The following CR1L variants were observed in gnomAD, a reference collection of about 807,000 sequenced individuals.
The protein encoded by CR1L is complement C3b/C4b receptor 1 like.
CR1L carries 59 observed loss-of-function variants against 62.3 expected under a neutral mutation model. The observed-to-expected ratio is 0.95, with a 90% CI of 0.77 to 1.18. The LOEUF is 1.18. CR1L is among the 50% of genes most tolerant of loss of function. The pLI, the probability that CR1L is intolerant of heterozygous loss-of-function variation, is 0.00. For synonymous variants in CR1L, 279 were observed against 248.7 expected (o/e 1.12, Z -1.15); for missense variants, 700 against 702.8 (o/e 1.00, Z 0.04).
intron 1 of CR1L, among the ~76,000 whole-genome samples, chr1:207,676,560 C>T (rs1184736970): frequency 2.0e-5 from 3 of 152,186 alleles, no homozygotes; most frequent in Non-Finnish European, 2.9e-5. Flanking sequence ...TCCCTGCACC[C>T]TCCATTCACG....
intron 10 of CR1L, 86 bp from the exon 11 acceptor site, chr1:207,717,378 T>C: frequency 1.4e-6 from 2 of 1,422,364 alleles, no homozygotes; most frequent in Non-Finnish European, 1.9e-6. Flanking sequence ...AAAAATTATA[T>C]TCATAGCACT....
chr1:207,707,347 G>T (rs1464937929), intron 9 of CR1L, among the ~76,000 whole-genome samples: 1 of 152,220 alleles, frequency 6.6e-6, no homozygotes, highest in East Asian at 1.9e-4. Context: ...TTATGACAAG[G>T]CCGAGCACAG....
At chr1:207,689,864 CATTTT>C (rs1407537710) in intron 4 of CR1L, among the ~76,000 whole-genome samples, 2 of 151,858 alleles carry the variant, frequency 1.3e-5, no homozygotes, top group African/African-American at 4.8e-5. Context: ...GGAATTTACT[CATTTT>C]ATTTAAATTT....
chr1:207,720,907 T>C (rs1654121296), intron 11 of CR1L, among the ~76,000 whole-genome samples: 1 of 152,206 alleles, frequency 6.6e-6, no homozygotes, highest in South Asian at 2.1e-4. Context: ...TCCTAGAGCC[T>C]AGCTTCTCTC....
In CR1L at chr1:207,669,815, T is replaced by G. The variant is rs1043887386; in HGVS notation, c.98-7574T>G. 6.9e-4 allele frequency among the ~76,000 whole-genome samples: 104 copies of G among 151,166 alleles called. 1 individual carries two copies. The highest frequency in any genetic ancestry group is 1.4e-3 in the Non-Finnish European group (92 of 68,032). On this transcript the variant is annotated intron_variant, in intron 1 of 11. Transcript: ENST00000508064. ...GGGGCTTAAGTCGTGACGAGCGCAG[T>G]GGAAGGCGCAGATGCTGAGCGGGTG...
At position 207,652,542 on chromosome 1, in the gene CR1L, C is replaced by T. The variant is rs527854491; in HGVS notation, c.97+7212C>T. ...ATCTTCATGTTCCTATTCTCTTATC[C>T]CTAGATGCCTATGAGGAGCCACCAA... On this transcript the variant is annotated intron_variant, in intron 1 of 11. Transcript: ENST00000508064. 4.7e-6 allele frequency: 7 copies of T among 1,475,078 alleles called. No homozygotes were observed. The East Asian group carries it at 6.8e-5, about 14-fold the overall frequency. 91.4% of individuals were successfully genotyped at this position (1,475,078 alleles called of 1,614,324 possible).
At chr1:207,706,196 A>G (rs564416364) in intron 9 of CR1L, among the ~76,000 whole-genome samples, 7 of 151,960 alleles carry the variant, frequency 4.6e-5, no homozygotes, top group South Asian at 2.1e-4. Flanking sequence ...GAAGCAAGAG[A>G]ATCACTTGAC....
chr1:207,689,163 T>G (rs1428249258), intron 4 of CR1L, among the ~76,000 whole-genome samples: 1 of 152,154 alleles, frequency 6.6e-6, no homozygotes, highest in Admixed American at 6.5e-5. Context: ...CCTTTACTTC[T>G]GATTGCTAAA....
intron 1 of CR1L, among the ~76,000 whole-genome samples, chr1:207,668,776 AC>A (rs1663562929): frequency 6.6e-6 from 1 of 150,918 alleles, no homozygotes; most frequent in Non-Finnish European, 1.5e-5. Context: ...CACTTTATCC[AC>A]CCAGTCAGGG....
At chr1:207,680,369 C>A (rs1663776746) in intron 3 of CR1L, among the ~76,000 whole-genome samples, 2 of 152,094 alleles carry the variant, frequency 1.3e-5, no homozygotes, top group African/African-American at 4.8e-5. Flanking sequence ...ACAGGTAAAA[C>A]AGGAAATTTG....
intron 2 of CR1L, 78 bp downstream of exon 2, chr1:207,677,646 A>T (rs1663718987): frequency 5.3e-6 from 8 of 1,506,470 alleles, no homozygotes; most frequent in Non-Finnish European, 7.2e-6. Flanking sequence ...AAATTTTGTA[A>T]CTGAGTTGCA....
At chr1:207,655,256 T>C (rs776518549) in intron 1 of CR1L, 4 of 706,522 alleles carry the variant, frequency 5.7e-6, no homozygotes, top group Admixed American at 4.6e-5. Flanking sequence ...TTTGGAGCAG[T>C]AAGCCCCCAA....
At chr1:207,691,824 T>C (rs1042836184) in intron 4 of CR1L, among the ~76,000 whole-genome samples, 16 of 152,276 alleles carry the variant, frequency 1.1e-4, no homozygotes, top group East Asian at 5.8e-4. Context: ...ATACGTTTTG[T>C]AAAAAGAAAA....
chr1:207,714,392 C>T (rs184009858), intron 10 of CR1L, among the ~76,000 whole-genome samples: 3 of 152,128 alleles, frequency 2.0e-5, no homozygotes, highest in Non-Finnish European at 4.4e-5. Flanking sequence ...AAAGCACACC[C>T]AACAGGAAGA....
At chr1:207,711,990 G>T (rs1664366453) in intron 10 of CR1L, among the ~76,000 whole-genome samples, 1 of 152,156 alleles carries the variant, frequency 6.6e-6, no homozygotes, top group South Asian at 2.1e-4. Flanking sequence ...TGCCTGCCAG[G>T]AGCTCATATG....
At chr1:207,721,704 C>T (rs1353385431) in intron 11 of CR1L, among the ~76,000 whole-genome samples, 1 of 151,380 alleles carries the variant, frequency 6.6e-6, no homozygotes, top group Non-Finnish European at 1.5e-5. Context: ...TGGGTATATA[C>T]CCAGTAATGG....
intron 1 of CR1L, chr1:207,655,204 G>A: frequency 4.6e-6 from 3 of 652,084 alleles, no homozygotes; most frequent in Non-Finnish European, 8.2e-6. Context: ...TACTTAATTG[G>A]TAAAGAAATT....
intron 1 of CR1L, among the ~76,000 whole-genome samples, chr1:207,662,522 A>T (rs1021404770): frequency 6.6e-6 from 1 of 151,948 alleles, no homozygotes; most frequent in Non-Finnish European, 1.5e-5. Context: ...ACTTCTCTGC[A>T]TTGGTTATTC....
intron 3 of CR1L, among the ~76,000 whole-genome samples, chr1:207,682,556 G>T (rs1663817379): frequency 6.6e-6 from 1 of 152,176 alleles, no homozygotes; most frequent in East Asian, 1.9e-4. Flanking sequence ...TCAAGTGTCT[G>T]CAGAAGGACC....
Sources: gnomAD v4.1 joint callset for allele counts (sites outside exome capture counted in the v4.1 genomes callset) on GRCh38, gnomAD v4.1.1 for gene constraint, MANE v1.5 for transcripts, NCBI Gene and HGNC (gene_info 2026-07-23, HGNC 2026-07-21) for gene names.